ARHGEF18: variants seen among roughly 807,000 people sequenced by gnomAD.
ARHGEF18 encodes Rho/Rac guanine nucleotide exchange factor 18, also known as rho guanine nucleotide exchange factor 18.
A neutral mutation model predicts 155.7 loss-of-function variants in ARHGEF18; 93 were observed. That is an observed-to-expected ratio of 0.60 (90% CI 0.50 to 0.71). The LOEUF is 0.71. Ranked by LOEUF, ARHGEF18 falls within the 30% of genes least tolerant of loss-of-function variation. The pLI is 0.00. For synonymous variants in ARHGEF18, 742 were observed against 753.1 expected, an observed-to-expected ratio of 0.99 and a Z score of 0.24; for missense variants, 1,593 against 1,816.1, an observed-to-expected ratio of 0.88 and a Z score of 2.23.
rs1354952757 is a variant in ARHGEF18, at chr19:7,462,191, T to G, written c.2492T>G (p.Leu831Arg). The part of the protein sequence containing the change: ...SMKDQLIAQS[L>R]LEKQQIYLEM... The stretch of plus-strand genomic sequence containing the variant: ...AAAGACCAGCTGATCGCACAGAGCC[T>G]CCTAGAGAAACAGCAGATCTACCTG... Residue 831 changes from leucine to arginine, a missense_variant, in exon 21 of 29, where the codon CTC (leucine) becomes CGC (arginine). By Grantham distance (102) the Leu-to-Arg change is moderately radical. Coordinates refer to ENST00000668164, the MANE Select transcript of ARHGEF18 (RefSeq NM_001367823.1). This position sits in a 1 kb window ranked among gnomAD's most constrained non-coding sequence, Gnocchi z 4.4. 1.2e-6 allele frequency: 2 copies of G among 1,613,800 alleles called. No homozygotes were observed. Among genetic ancestry groups the G allele is most frequent in the Non-Finnish European group, 1.7e-6 (2 of 1,180,016 alleles).
At position 7,426,383 on chromosome 19, in the gene ARHGEF18, A is replaced by T. The variant is rs1973664070; in HGVS notation, c.968-13961A>T. The stretch of plus-strand genomic sequence containing the variant: ...GTGCCTGTCGTCCCGGCTACTCAGG[A>T]GGCTGAGGCAGGATAATTGCTTGAA... On this transcript the variant is annotated intron_variant, in intron 10 of 28. Coordinates refer to ENST00000668164, the MANE Select transcript of ARHGEF18 (RefSeq NM_001367823.1). Among the ~76,000 whole-genome samples the T allele has an allele frequency of 2.7e-5, 4 of 150,798 alleles. No individual in the cohort carries two copies. In the Admixed American group the frequency reaches 2.7e-4, roughly 10 times the overall value.
the ARHGEF18 span, chr19:7,478,299 A>C: frequency 6.2e-7 from 1 of 1,609,098 alleles, no homozygotes; most frequent in Non-Finnish European, 8.5e-7. Context: ...CTGCTGGGTG[A>C]TCACGGGCTC....
At chr19:7,402,079 A>G (rs2432103) in intron 10 of ARHGEF18, among the ~76,000 whole-genome samples, 22,381 of 152,100 alleles carry the variant, frequency 0.15, 3,542 homozygotes, top group African/African-American at 0.4. Context: ...AGTGGGGAGT[A>G]ATGGCCAAGG....
chr19:7,423,593 C>A (rs928312801), intron 10 of ARHGEF18, among the ~76,000 whole-genome samples: 8 of 151,486 alleles, frequency 5.3e-5, no homozygotes, highest in African/African-American at 1.7e-4. Context: ...CCCAGCTACT[C>A]GGGAGGCTGA....
intron 10 of ARHGEF18, among the ~76,000 whole-genome samples, chr19:7,437,466 C>T (rs1974332904): frequency 6.6e-6 from 1 of 151,792 alleles, no homozygotes. Context: ...TGAATCCTCT[C>T]CCAGGAGAGC....
chr19:7,362,090 A>G (rs1233364320), intron 1 of ARHGEF18, among the ~76,000 whole-genome samples: 1 of 18,174 alleles, frequency 5.5e-5, no homozygotes, highest in Non-Finnish European at 9.4e-5. Context: ...AAGGAGAAGG[A>G]GAAGGAGAAG....
chr19:7,374,798 A>C (rs1010766514), intron 3 of ARHGEF18, among the ~76,000 whole-genome samples: 2 of 152,160 alleles, frequency 1.3e-5, no homozygotes, highest in Non-Finnish European at 2.9e-5. Flanking sequence ...CACGCATATA[A>C]GCTTAAACGT....
At chr19:7,455,599 G>A (rs1230238504) in intron 17 of ARHGEF18, among the ~76,000 whole-genome samples, 3 of 152,164 alleles carry the variant, frequency 2.0e-5, no homozygotes, top group African/African-American at 7.2e-5. Flanking sequence ...CAGGAGCAGG[G>A]AGAACAGAGA....
intron 10 of ARHGEF18, among the ~76,000 whole-genome samples, chr19:7,430,951 G>C (rs1044245263): frequency 6.6e-6 from 1 of 152,112 alleles, no homozygotes; most frequent in Non-Finnish European, 1.5e-5. Flanking sequence ...AGCATCACTT[G>C]AGTCCAGGAG....
At chr19:7,452,019 G>A (rs562593177) in intron 16 of ARHGEF18, among the ~76,000 whole-genome samples, 3 of 152,254 alleles carry the variant, frequency 2.0e-5, no homozygotes, top group African/African-American at 7.2e-5. Flanking sequence ...ACCATGCCAC[G>A]CCCAGCCTGG....
intron 2 of ARHGEF18, among the ~76,000 whole-genome samples, chr19:7,365,864 G>A (rs927630315): frequency 1.3e-5 from 2 of 152,124 alleles, no homozygotes; most frequent in African/African-American, 4.8e-5. Context: ...GCTCCCCCAG[G>A]TAATCTGCAC....
intron 14 of ARHGEF18, 138 bp from the exon 15 acceptor site, chr19:7,446,905 A>T: frequency 8.3e-7 from 1 of 1,199,048 alleles, no homozygotes; most frequent in Non-Finnish European, 1.1e-6. Flanking sequence ...CAAAAAAAAA[A>T]AAAAAAGAAG....
chr19:7,464,484 G>C, intron 22 of ARHGEF18, 76 bp from the exon 23 acceptor site: 1 of 1,533,564 alleles, frequency 6.5e-7, no homozygotes, highest in Non-Finnish European at 8.8e-7. Context: ...CTGGGCAGGG[G>C]CTGGGGGTGG....
chr19:7,380,429 A>T (rs1269421785), intron 7 of ARHGEF18, among the ~76,000 whole-genome samples: 3 of 151,404 alleles, frequency 2.0e-5, no homozygotes, highest in African/African-American at 7.3e-5. Context: ...CAGTGAGCCG[A>T]GATCGCACCA....
chr19:7,416,401 C>A (rs1973008210), intron 10 of ARHGEF18, among the ~76,000 whole-genome samples: 1 of 151,864 alleles, frequency 6.6e-6, no homozygotes, highest in Admixed American at 6.6e-5. Context: ...GCAGCAGAGA[C>A]CTCATCTCTA....
chr19:7,388,302 C>T (rs1363425460), intron 10 of ARHGEF18, among the ~76,000 whole-genome samples: 1 of 151,836 alleles, frequency 6.6e-6, no homozygotes, highest in East Asian at 1.9e-4. Flanking sequence ...CTATGTTGTC[C>T]AGGCTGGTCT....
intron 10 of ARHGEF18, among the ~76,000 whole-genome samples, chr19:7,417,009 A>G (rs1261459817): frequency 6.6e-6 from 1 of 151,878 alleles, no homozygotes; most frequent in Admixed American, 6.6e-5. Context: ...TCCCAGGTTC[A>G]AGCGATTCTC....
At chr19:7,416,335 G>A (rs1166664001) in intron 10 of ARHGEF18, among the ~76,000 whole-genome samples, 1 of 152,084 alleles carries the variant, frequency 6.6e-6, no homozygotes, top group Non-Finnish European at 1.5e-5. Flanking sequence ...GATTCCTTGA[G>A]CCCAGGAGTT....
intron 10 of ARHGEF18, among the ~76,000 whole-genome samples, chr19:7,404,929 CTTTA>C (rs1165453965): frequency 6.6e-6 from 1 of 151,904 alleles, no homozygotes; most frequent in African/African-American, 2.4e-5. Context: ...CCGAACTCAC[CTTTA>C]TTGTGTGCGA....
Sources: allele counts gnomAD v4.1 joint callset (sites outside exome capture counted in the v4.1 genomes callset), GRCh38; gene constraint gnomAD v4.1.1; non-coding constraint Gnocchi (gnomAD v3.1); transcripts MANE v1.5; gene names NCBI Gene and HGNC (gene_info 2026-07-23, HGNC 2026-07-21).